The following PAX2 variants were observed in gnomAD, a reference collection of about 807,000 sequenced individuals.
PAX2 encodes paired box protein Pax-2.
A neutral mutation model predicts 41.7 loss-of-function variants in PAX2; 9 were observed. The ratio of observed to expected loss-of-function variants is 0.22; its 90% CI spans 0.13 to 0.38. The LOEUF (loss-of-function observed/expected upper bound fraction) is 0.38, where lower values mean the gene tolerates loss of function less well. PAX2 is among the 10% of genes least tolerant of loss of function. PAX2 has a pLI of 1.00. For synonymous variants in PAX2, 221 were observed against 212.7 expected (o/e 1.04, Z -0.34); for missense variants, 418 against 531.6 (o/e 0.79, Z 2.10).
intron 3 of PAX2, among the ~76,000 whole-genome samples, chr10:100,762,533 A>C (rs1248118269): frequency 1.3e-5 from 2 of 152,126 alleles, no homozygotes; most frequent in Non-Finnish European, 2.9e-5. Context: ...AACAATCTAA[A>C]TTTCCTATTT....
At chr10:100,762,744 A>C (rs1260196699) in intron 3 of PAX2, among the ~76,000 whole-genome samples, 2 of 152,254 alleles carry the variant, frequency 1.3e-5, no homozygotes, top group African/African-American at 4.8e-5. Context: ...AAATAGGGGT[A>C]CATGTACGAA....
At chr10:100,793,977 A>G (rs966462728) in intron 5 of PAX2, among the ~76,000 whole-genome samples, 4 of 152,130 alleles carry the variant, frequency 2.6e-5, no homozygotes, top group Non-Finnish European at 5.9e-5. Flanking sequence ...TTCCATAGGA[A>G]TCTGGGGAAA....
upstream of PAX2, among the ~76,000 whole-genome samples, chr10:100,745,425 C>T (rs1437627559): frequency 2.6e-5 from 4 of 151,856 alleles, no homozygotes; most frequent in African/African-American, 7.3e-5. Flanking sequence ...GGGCCCTCCT[C>T]GCCGAAGCTC....
At chr10:100,811,090 G>A (rs867235553) in intron 7 of PAX2, among the ~76,000 whole-genome samples, 75 of 151,954 alleles carry the variant, frequency 4.9e-4, no homozygotes, top group African/African-American at 1.7e-3. Flanking sequence ...GGGGAAACTC[G>A]CTCAGAAACT....
At chr10:100,805,162 G>A (rs1318978164) in intron 5 of PAX2, among the ~76,000 whole-genome samples, 1 of 152,062 alleles carries the variant, frequency 6.6e-6, no homozygotes, top group African/African-American at 2.4e-5. Context: ...GCTCGGTCTG[G>A]GAGGCCAGCA....
chr10:100,825,118 A>T, intron 8 of PAX2: 3 of 782,594 alleles, frequency 3.8e-6, no homozygotes, highest in Non-Finnish European at 6.7e-6. Flanking sequence ...CCTGGTTTCC[A>T]TGGAAACTTG....
intron 3 of PAX2, among the ~76,000 whole-genome samples, chr10:100,766,779 C>T (rs1458909237): frequency 6.6e-6 from 1 of 152,124 alleles, no homozygotes; most frequent in Non-Finnish European, 1.5e-5. Flanking sequence ...CACCCACAAC[C>T]ACACCAAGAA....
intron 3 of PAX2, among the ~76,000 whole-genome samples, chr10:100,751,659 C>T (rs942235123): frequency 1.3e-5 from 2 of 152,190 alleles, no homozygotes; most frequent in African/African-American, 2.4e-5. Context: ...GTCTCCTGGT[C>T]TCCAAACCCC....
At chr10:100,825,154 T>C (rs531754521) in intron 8 of PAX2, among the ~76,000 whole-genome samples, 41 of 152,088 alleles carry the variant, frequency 2.7e-4, no homozygotes, top group African/African-American at 9.4e-4. Flanking sequence ...TCCAGGGGCA[T>C]GTCAGTCACT....
At chr10:100,805,135 A>C (rs190062429) in intron 5 of PAX2, among the ~76,000 whole-genome samples, 1 of 152,060 alleles carries the variant, frequency 6.6e-6, no homozygotes, top group African/African-American at 2.4e-5. Context: ...AGGTCACATT[A>C]GGAAAGCAAA....
chr10:100,825,250 G>T (rs1442919646), intron 8 of PAX2, among the ~76,000 whole-genome samples: 1 of 152,168 alleles, frequency 6.6e-6, no homozygotes, highest in African/African-American at 2.4e-5. Flanking sequence ...GAGACAGTAG[G>T]GAGCTAGTCC....
chr10:100,828,171 T>G lies in PAX2; in HGVS notation c.*552T>G, dbSNP rs1033278370. 1 of 232,352 alleles carries G rather than the reference T, an allele frequency of 4.3e-6. No individual in the cohort carries two copies. The highest frequency in any genetic ancestry group is 2.2e-5 in the African/African-American group (1 of 45,296). The allele number at this position is 232,352 out of a possible 1,614,324, so 14.4% of individuals were successfully genotyped here. ...CCCGCTGCCGAATCCCTGGGAAAAA[T>G]TCTTTTCCCCCAGTGCCAGCCGGAC... On this transcript the variant is annotated 3_prime_UTR_variant, in exon 10 of 10. Coordinates refer to ENST00000355243, the MANE Select transcript of PAX2 (RefSeq NM_000278.5). The surrounding 1 kb of genome is among the most constrained non-coding windows in gnomAD (Gnocchi z 6.5).
chr10:100,825,321 G>A (rs1185266735), intron 8 of PAX2, among the ~76,000 whole-genome samples: 1 of 152,106 alleles, frequency 6.6e-6, no homozygotes, highest in Non-Finnish European at 1.5e-5. Flanking sequence ...AGTGAGACAG[G>A]CTAGAACACC....
chr10:100,786,334 G>C (rs1431932517), intron 5 of PAX2, among the ~76,000 whole-genome samples: 1 of 152,204 alleles, frequency 6.6e-6, no homozygotes, highest in Admixed American at 6.5e-5. Flanking sequence ...AGGCATTTTA[G>C]GTGTGTATAA....
Position 100,827,517 on chromosome 10 carries a change from C to T in PAX2, c.1109-26C>T, listed in dbSNP as rs760720845. On this transcript the variant is annotated intron_variant, in intron 9 of 9. Coordinates refer to ENST00000355243, the MANE Select transcript of PAX2 (RefSeq NM_000278.5). The surrounding 1 kb of genome is among the most constrained non-coding windows in gnomAD (Gnocchi z 8.5). ...CTCCTGTTTGTCCTCTCACCCAGCC[C>T]ATTCTTCTCCTGTGTTAACTTCCAG... 6 of 1,610,538 alleles carry T rather than the reference C, an allele frequency of 3.7e-6. No homozygotes were observed. The highest frequency in any genetic ancestry group is 1.7e-5 in the Admixed American group (1 of 60,026).
intron 4 of PAX2, 79 bp from the exon 5 acceptor site, chr10:100,781,167 C>T: frequency 1.4e-6 from 2 of 1,456,458 alleles, no homozygotes; most frequent in South Asian, 1.1e-5. Context: ...CTCTCTGCCC[C>T]CCAGCCTTGG....
intron 5 of PAX2, among the ~76,000 whole-genome samples, chr10:100,800,269 CTTTCTT>C: frequency 2.4e-5 from 1 of 41,272 alleles, no homozygotes; most frequent in African/African-American, 5.4e-5. Context: ...CTTTTCTTTT[CTTTCTT>C]TTTTTTTTTT....
intron 6 of PAX2, 129 bp from the exon 7 acceptor site, chr10:100,808,981 C>G: frequency 1.2e-6 from 1 of 861,120 alleles, no homozygotes. Flanking sequence ...CCCGCATCTC[C>G]CCTCTGCCCC....
chr10:100,793,920 C>T (rs1462507396), intron 5 of PAX2, among the ~76,000 whole-genome samples: 1 of 152,178 alleles, frequency 6.6e-6, no homozygotes, highest in Non-Finnish European at 1.5e-5. Context: ...GGCTGTTGCA[C>T]TCAGACAATT....
Sources: gnomAD v4.1 joint callset for allele counts (sites outside exome capture counted in the v4.1 genomes callset) on GRCh38, gnomAD v4.1.1 for gene constraint, Gnocchi (gnomAD v3.1) non-coding constraint, MANE v1.5 for transcripts, NCBI Gene and HGNC (gene_info 2026-07-23, HGNC 2026-07-21) for gene names.